Variants in PTGER3 observed in about 807,000 individuals in gnomAD.
PTGER3 encodes prostaglandin E receptor 3.
A neutral mutation model predicts 34.7 loss-of-function variants in PTGER3; 22 were observed. The observed-to-expected ratio is 0.63, with a 90% confidence interval of 0.45 to 0.91. The LOEUF is 0.91. PTGER3 is among the 40% of genes least tolerant of loss of function. PTGER3 has a pLI of 0.00. For missense variants in PTGER3, 468 were observed against 519.4 expected (o/e 0.90, Z 0.96); for synonymous variants, 241 against 230.1 (o/e 1.05, Z -0.43).
At chr1:70,914,555 T>C (rs1289562189) in intron 4 of PTGER3, among the ~76,000 whole-genome samples, 1 of 151,934 alleles carries the variant, frequency 6.6e-6, no homozygotes, top group Non-Finnish European at 1.5e-5. Context: ...ACTCTTCTCA[T>C]AAAACTTGTC....
intron 4 of PTGER3, among the ~76,000 whole-genome samples, chr1:70,937,946 CTTAT>C (rs1322036114): frequency 1.3e-5 from 2 of 151,882 alleles, no homozygotes; most frequent in African/African-American, 2.4e-5. Flanking sequence ...AGAGTTAGTT[CTTAT>C]TTAGAGTATT....
intron 1 of PTGER3, among the ~76,000 whole-genome samples, chr1:71,029,436 G>A (rs914071822): frequency 4.6e-5 from 7 of 152,118 alleles, no homozygotes; most frequent in South Asian, 4.1e-4. Context: ...TTCTGAAAAC[G>A]AAGATGACAG....
intron 4 of PTGER3, among the ~76,000 whole-genome samples, chr1:70,896,075 C>A (rs1281044900): frequency 1.3e-5 from 2 of 152,176 alleles, no homozygotes; most frequent in Non-Finnish European, 2.9e-5. Flanking sequence ...GAGTTAAAAT[C>A]TCTTTTCTTC....
At chr1:71,012,542 C>T (rs1657540357) in intron 1 of PTGER3, 58 bp from the exon 2 acceptor site, 1 of 1,419,936 alleles carries the variant, frequency 7.0e-7, no homozygotes, top group Non-Finnish European at 9.6e-7. Flanking sequence ...TGCATCTCCT[C>T]TACACTGTAC....
At chr1:70,880,549 G>A (rs1646368480) in intron 4 of PTGER3, among the ~76,000 whole-genome samples, 1 of 151,770 alleles carries the variant, frequency 6.6e-6, no homozygotes, top group South Asian at 2.1e-4. Flanking sequence ...AATTAGCCAG[G>A]CATGATGGCG....
chr1:71,008,581 G>A (rs1376642818), intron 2 of PTGER3: 3 of 983,756 alleles, frequency 3.0e-6, no homozygotes, highest in Middle Eastern at 1.0e-3. Context: ...ATTAAATTTT[G>A]TAAATTGGCT....
intron 1 of PTGER3, among the ~76,000 whole-genome samples, chr1:71,035,087 T>C (rs1659711030): frequency 6.6e-6 from 1 of 152,208 alleles, no homozygotes; most frequent in South Asian, 2.1e-4. Flanking sequence ...CAACAAAGTG[T>C]AAACAAAGCT....
At chr1:70,888,524 C>T (rs963154827) in intron 4 of PTGER3, among the ~76,000 whole-genome samples, 1 of 152,000 alleles carries the variant, frequency 6.6e-6, no homozygotes, top group South Asian at 2.1e-4. Flanking sequence ...TTGTTAAGAG[C>T]CCATAAAATC....
chr1:70,953,120 AAAT>A (rs1415804999), intron 3 of PTGER3: 2 of 1,355,906 alleles, frequency 1.5e-6, no homozygotes, highest in Non-Finnish European at 2.0e-6. Flanking sequence ...ATGAAAATAA[AAAT>A]AATACAAATA....
At chr1:70,903,856 G>A (rs1466596535) in intron 4 of PTGER3, among the ~76,000 whole-genome samples, 1 of 152,188 alleles carries the variant, frequency 6.6e-6, no homozygotes, top group Non-Finnish European at 1.5e-5. Context: ...CAAACTCCTT[G>A]AATCTCAGTT....
intron 2 of PTGER3, among the ~76,000 whole-genome samples, chr1:70,989,767 A>G (rs1655258082): frequency 6.6e-6 from 1 of 152,192 alleles, no homozygotes; most frequent in Non-Finnish European, 1.5e-5. Context: ...CATTTCACAT[A>G]GCAGCATTTA....
At chr1:70,970,114 G>A (rs1184571489), downstream of PTGER3, among the ~76,000 whole-genome samples, 2 of 152,138 alleles carry the variant, frequency 1.3e-5, no homozygotes, top group African/African-American at 4.8e-5. Flanking sequence ...CCATTGTGCT[G>A]TAAGAAGGAA....
chr1:70,915,797 GT>G (rs911533089), intron 4 of PTGER3, among the ~76,000 whole-genome samples: 25 of 151,700 alleles, frequency 1.6e-4, no homozygotes, highest in Non-Finnish European at 3.7e-4. Flanking sequence ...TGTTTCATTG[GT>G]CTATGTGTCT....
rs1572885691 is a variant in PTGER3, at chr1:70,995,641, T to C, written c.1077+16664A>G. Among the ~76,000 whole-genome samples, 7 of 152,268 alleles carry C rather than the reference T, an allele frequency of 4.6e-5. No homozygotes were observed. In the South Asian group the frequency reaches 1.5e-3, roughly 32 times the overall value. ...AGTAATAACATGATGTTTTGATATA[T>C]GTCTTAATCTCAATTTAATTATTTA... On this transcript the variant is annotated intron_variant, in intron 2 of 3. Transcript: ENST00000306666.
intron 1 of PTGER3, among the ~76,000 whole-genome samples, chr1:71,013,214 A>G (rs1343676290): frequency 1.3e-5 from 2 of 152,196 alleles, no homozygotes; most frequent in African/African-American, 4.8e-5. Flanking sequence ...ATGTTCAGTA[A>G]GTATTTGTGA....
At chr1:70,931,788 T>A (rs1648724622) in intron 4 of PTGER3, among the ~76,000 whole-genome samples, 3 of 152,166 alleles carry the variant, frequency 2.0e-5, no homozygotes, top group African/African-American at 7.2e-5. Context: ...CTAGGCTTCC[T>A]GGTCTGTGAT....
At chr1:70,981,145 G>A (rs1654218596) in intron 2 of PTGER3, among the ~76,000 whole-genome samples, 1 of 152,022 alleles carries the variant, frequency 6.6e-6, no homozygotes, top group Non-Finnish European at 1.5e-5. Flanking sequence ...GTGGACAATA[G>A]GCAAGAGATT....
At chr1:70,855,733 T>C (rs1181672584) in intron 4 of PTGER3, among the ~76,000 whole-genome samples, 1 of 152,192 alleles carries the variant, frequency 6.6e-6, no homozygotes, top group Non-Finnish European at 1.5e-5. Flanking sequence ...TATCTCATCA[T>C]TGATAAAATC....
Position 70,860,786 on chromosome 1 carries a change from T to G in PTGER3, c.*24-7927A>C, listed in dbSNP as rs1460428470. ...AAAGACCATGAAAGAGAACAGAGAC[T>G]TAGTACTATGGTGACACAGAAGAGG... On this transcript the variant is annotated intron_variant, in intron 4 of 4. Transcript: ENST00000370931. Among the ~76,000 whole-genome samples, 3 of 152,110 alleles carry G rather than the reference T, an allele frequency of 2.0e-5. No homozygotes were observed. The South Asian group carries it at 6.2e-4, about 31-fold the overall frequency.
Sources: allele counts gnomAD v4.1 joint callset (sites outside exome capture counted in the v4.1 genomes callset), GRCh38; gene constraint gnomAD v4.1.1; transcripts MANE v1.5; gene names NCBI Gene and HGNC (gene_info 2026-07-23, HGNC 2026-07-21).